Variants in PYY observed in about 807,000 individuals in gnomAD.
The protein encoded by PYY is peptide YY.
Under a neutral mutation model 10.3 loss-of-function variants are expected in PYY, and 12 were observed. The observed-to-expected ratio is 1.17, with a 90% CI of 0.75 to 1.89. PYY has a LOEUF of 1.89. PYY is among the 40% of genes most tolerant of loss of function. The pLI is 0.00. For synonymous variants in PYY, 66 were observed against 62.0 expected (o/e 1.06, Z -0.30); for missense variants, 141 against 134.0 (o/e 1.05, Z -0.26).
At chr17:43,957,407 C>T (rs1302281875), upstream of PYY, among the ~76,000 whole-genome samples, 1 of 151,932 alleles carries the variant, frequency 6.6e-6, no homozygotes, top group Non-Finnish European at 1.5e-5. Flanking sequence ...CCTGTAATCC[C>T]AGCACTTTGG....
chr17:43,991,503 T>G (rs771095284), intron 1 of PYY, among the ~76,000 whole-genome samples: 1 of 152,156 alleles, frequency 6.6e-6, no homozygotes, highest in Non-Finnish European at 1.5e-5. Flanking sequence ...AACTATATGG[T>G]CAGGCTGGTG....
At chr17:43,966,738 C>CTT (rs1318722181) in intron 1 of PYY, among the ~76,000 whole-genome samples, 1 of 152,156 alleles carries the variant, frequency 6.6e-6, no homozygotes, top group Non-Finnish European at 1.5e-5. Flanking sequence ...TGTCTGACTA[C>CTT]TAGAATGGAG....
At chr17:43,964,549 G>A (rs2631300) in intron 2 of PYY, among the ~76,000 whole-genome samples, 85,724 of 152,004 alleles carry the variant, frequency 0.56, 25,820 homozygotes, top group South Asian at 0.73. Flanking sequence ...TCGGGAGTTT[G>A]AGACCAGCCT....
intron 1 of PYY, among the ~76,000 whole-genome samples, chr17:43,994,206 C>T (rs1470268864): frequency 2.0e-5 from 3 of 151,966 alleles, no homozygotes; most frequent in African/African-American, 4.8e-5. Flanking sequence ...AACCATCAGC[C>T]CCCTCTGTCT....
intron 1 of PYY, among the ~76,000 whole-genome samples, chr17:43,978,320 AG>A (rs72540149): frequency 0.012 from 412 of 35,560 alleles, 2 homozygotes; most frequent in Middle Eastern, 0.029. Flanking sequence ...GAAGGAAGGA[AG>A]GGAAGGGAAG....
intron 1 of PYY, among the ~76,000 whole-genome samples, chr17:43,986,130 A>G (rs1374729541): frequency 1.3e-5 from 2 of 152,146 alleles, no homozygotes; most frequent in Admixed American, 6.6e-5. Flanking sequence ...GTAGTGGTGC[A>G]TGCCTGTAAT....
upstream of PYY, among the ~76,000 whole-genome samples, chr17:43,958,337 C>G (rs1432374852): frequency 6.6e-6 from 1 of 151,692 alleles, no homozygotes; most frequent in Admixed American, 6.6e-5. Context: ...CTCAGCCACC[C>G]AAAATGCTGA....
chr17:43,953,396 G>GGTA lies in PYY; in HGVS notation c.85_87dup (p.Tyr29dup), dbSNP rs1375867510. 9 of 1,612,800 alleles carry GGTA rather than the reference G, an allele frequency of 5.6e-6. No individual in the cohort carries two copies. The highest frequency in any genetic ancestry group is 5.9e-6 in the Non-Finnish European group (7 of 1,179,606). ...TCGCGGGGAGCCTCGGGTTTGATGG[G>GGTA]GTAGGCGTCGACCAGCGCCCCTAGG... On this transcript the variant is annotated inframe_insertion, in exon 2 of 4. Transcript: ENST00000692052.
At chr17:44,001,052 C>G (rs1166771671) in intron 1 of PYY, among the ~76,000 whole-genome samples, 1 of 152,106 alleles carries the variant, frequency 6.6e-6, no homozygotes, top group Non-Finnish European at 1.5e-5. Flanking sequence ...GTTTGCATCT[C>G]AATGCTATGG....
At chr17:43,954,204 T>G (rs969128949), upstream of PYY, among the ~76,000 whole-genome samples, 1 of 152,106 alleles carries the variant, frequency 6.6e-6, no homozygotes, top group Non-Finnish European at 1.5e-5. Context: ...CAGTGGCAGG[T>G]CTAGCCTCCT....
At chr17:43,999,544 A>T (rs1394649583) in intron 1 of PYY, among the ~76,000 whole-genome samples, 1 of 150,416 alleles carries the variant, frequency 6.6e-6, no homozygotes, top group African/African-American at 2.5e-5. Context: ...AGGAGGGCAG[A>T]TCACCTAAGT....
At chr17:43,980,226 C>A (rs2048873943) in intron 1 of PYY, among the ~76,000 whole-genome samples, 1 of 129,626 alleles carries the variant, frequency 7.7e-6, no homozygotes, top group Non-Finnish European at 1.6e-5. Context: ...TGCAATGGCA[C>A]AATCTCAGCT....
At chr17:43,965,717 G>C (rs2048750083) in intron 2 of PYY, among the ~76,000 whole-genome samples, 1 of 137,446 alleles carries the variant, frequency 7.3e-6, no homozygotes, top group South Asian at 2.4e-4. Context: ...GAACCCGGGA[G>C]GCGGAGGTTT....
At chr17:43,954,782 T>A (rs1243762865), upstream of PYY, among the ~76,000 whole-genome samples, 1 of 152,216 alleles carries the variant, frequency 6.6e-6, no homozygotes, top group Non-Finnish European at 1.5e-5. Flanking sequence ...CACATGCCAC[T>A]GTCCCCAGCC....
intron 1 of PYY, among the ~76,000 whole-genome samples, chr17:43,995,580 T>C (rs564765885): frequency 1.3e-5 from 2 of 152,254 alleles, no homozygotes; most frequent in Admixed American, 6.5e-5. Flanking sequence ...ACGCCTGTAA[T>C]CCCAGTGCTT....
intron 1 of PYY, among the ~76,000 whole-genome samples, chr17:43,971,432 T>C (rs1390591987): frequency 2.0e-5 from 3 of 152,042 alleles, no homozygotes; most frequent in Non-Finnish European, 2.9e-5. Context: ...TGGCCGGGCA[T>C]GGTGACACAA....
Position 43,963,574 on chromosome 17 carries a change from G to GAAAGAAAGAAAGAAAGAAAAGA in PYY, c.-218+2713_-218+2714insTCTTTTCTTTCTTTCTTTCTTT, listed in dbSNP as rs1555617079. On this transcript the variant is annotated intron_variant, in intron 2 of 6. Transcript: ENST00000360085. ...GAAGGAAGGAAGGAAGGAAGGAAAAGAAAGAAAGAAAGAAAGAAAGAAAGA... is the reference window on the plus strand; with the variant it reads ...GAAGGAAGGAAGGAAGGAAGGAAAAGAAAGAAAGAAAGAAAGAAAAGAAAAGAAAGAAAGAAAGAAAGAAAGA... Among the ~76,000 whole-genome samples the GAAAGAAAGAAAGAAAGAAAAGA allele has an allele frequency of 7.4e-3, 378 of 51,286 alleles. 4 individuals are homozygous for GAAAGAAAGAAAGAAAGAAAAGA. The highest frequency in any genetic ancestry group is 0.022 in the African/African-American group (348 of 15,870). 33.6% of individuals were successfully genotyped at this position (51,286 alleles called of 152,430 possible).
At chr17:43,959,309 T>G (rs910807068) in intron 2 of PYY, among the ~76,000 whole-genome samples, 2 of 152,232 alleles carry the variant, frequency 1.3e-5, no homozygotes, top group Admixed American at 6.5e-5. Context: ...CTCTAGTACT[T>G]TATATATTTC....
At position 43,987,062 on chromosome 17, in the gene PYY, G is replaced by T. The variant is rs771112687; in HGVS notation, c.-463+17329C>A. 5.3e-5 allele frequency among the ~76,000 whole-genome samples: 8 copies of T among 152,128 alleles called. No homozygotes were observed. The highest frequency in any genetic ancestry group is 2.9e-5 in the Non-Finnish European group (2 of 68,036). ...GCCGGTCTGGCCCTGGCCTCATGAA[G>T]CCAGATGCTAACACATTCCTCGGGC... On this transcript the variant is annotated intron_variant, in intron 1 of 6. Transcript: ENST00000360085. This position sits in a 1 kb window ranked among gnomAD's most constrained non-coding sequence, Gnocchi z 4.0.
Sources: gnomAD v4.1 joint callset for allele counts (sites outside exome capture counted in the v4.1 genomes callset) on GRCh38, gnomAD v4.1.1 for gene constraint, Gnocchi (gnomAD v3.1) non-coding constraint, MANE v1.5 for transcripts, NCBI Gene and HGNC (gene_info 2026-07-23, HGNC 2026-07-21) for gene names.